CABIN1: variants seen among roughly 807,000 people sequenced by gnomAD.
CABIN1 encodes calcineurin-binding protein cabin-1.
CABIN1 carries 133 observed loss-of-function variants against 227.7 expected under a neutral mutation model. The observed-to-expected ratio is 0.58, with a 90% CI of 0.51 to 0.67. The LOEUF (loss-of-function observed/expected upper bound fraction) is 0.67. Ranked by LOEUF, CABIN1 falls within the 30% of genes least tolerant of loss-of-function variation. The pLI, the probability that CABIN1 is intolerant of heterozygous loss-of-function variation, is 0.00. For synonymous variants in CABIN1, 1,086 were observed against 1,155.1 expected (o/e 0.94, Z 1.21); for missense variants, 2,408 against 2,852.5 (o/e 0.84, Z 3.55).
chr22:24,082,655 C>T (rs534324657), intron 19 of CABIN1, among the ~76,000 whole-genome samples: 2 of 152,100 alleles, frequency 1.3e-5, no homozygotes, highest in Admixed American at 6.5e-5. Flanking sequence ...TAACAATAGC[C>T]GTCGGCTCTC....
chr22:24,131,535 C>T (rs2044072868), intron 28 of CABIN1, among the ~76,000 whole-genome samples: 1 of 152,244 alleles, frequency 6.6e-6, no homozygotes, highest in Non-Finnish European at 1.5e-5. Context: ...TGGCTCCCCA[C>T]TGGCCTTATG....
chr22:24,067,266 T>G lies in CABIN1; in HGVS notation c.2232+85T>G, dbSNP rs1023379780. On this transcript the variant is annotated intron_variant, in intron 16 of 36. Transcript: ENST00000263119. Reference sequence around the variant, plus strand: ...TTATTCTCTGGAGGTTCTGCGGTAGTTCTTAAGAATGTATAGCTAGAAGAG... The same window carrying G: ...TTATTCTCTGGAGGTTCTGCGGTAGGTCTTAAGAATGTATAGCTAGAAGAG... 5.1e-6 allele frequency: 7 copies of G among 1,369,946 alleles called. No individual in the cohort carries two copies. The African/African-American group carries it at 1.0e-4, about 20-fold the overall frequency. 84.9% of individuals were successfully genotyped at this position (1,369,946 alleles called of 1,614,324 possible). A position where few individuals can be genotyped will look rare whatever the true frequency, so the allele number is the denominator to read the frequency against.
intron 24 of CABIN1, 111 bp downstream of exon 24, chr22:24,091,954 A>C: frequency 7.4e-7 from 1 of 1,344,976 alleles, no homozygotes; most frequent in Non-Finnish European, 1.0e-6. Context: ...ACCTGCCGCA[A>C]ACTTATCTGT....
intron 1 of CABIN1, among the ~76,000 whole-genome samples, chr22:24,012,411 C>T (rs1939457356): frequency 6.6e-6 from 1 of 152,114 alleles, no homozygotes; most frequent in Non-Finnish European, 1.5e-5. Flanking sequence ...GCAGAACCCT[C>T]ATCTAGTACA....
At chr22:24,071,162 C>A in intron 17 of CABIN1, 120 bp downstream of exon 17, 2 of 1,392,556 alleles carry the variant, frequency 1.4e-6, no homozygotes, top group Non-Finnish European at 2.0e-6. Context: ...GACATGATGG[C>A]TTCTTTGGTT....
At chr22:24,136,721 TACATC>T (rs1355522461) in intron 29 of CABIN1, among the ~76,000 whole-genome samples, 2 of 146,372 alleles carry the variant, frequency 1.4e-5, no homozygotes, top group Admixed American at 6.8e-5. Flanking sequence ...CTACAAACAA[TACATC>T]ACACACACAC....
chr22:24,113,446 G>A, intron 26 of CABIN1, 120 bp from the exon 27 acceptor site: 2 of 923,360 alleles, frequency 2.2e-6, no homozygotes, highest in Non-Finnish European at 3.6e-6. Flanking sequence ...CTGTGTTCAG[G>A]CCATCTCCTG....
chr22:24,090,796 A>G (rs1257443091), intron 23 of CABIN1, among the ~76,000 whole-genome samples: 3 of 152,062 alleles, frequency 2.0e-5, no homozygotes, highest in Non-Finnish European at 4.4e-5. Flanking sequence ...CTTCCCTGCT[A>G]TCAATCCAGG....
chr22:24,141,055 C>T (rs2044728006), intron 29 of CABIN1, among the ~76,000 whole-genome samples: 1 of 152,212 alleles, frequency 6.6e-6, no homozygotes, highest in African/African-American at 2.4e-5. Flanking sequence ...ACACAAATCA[C>T]CCTTAGGTCT....
chr22:24,074,381 G>A (rs2040299450), intron 18 of CABIN1, among the ~76,000 whole-genome samples: 1 of 152,224 alleles, frequency 6.6e-6, no homozygotes, highest in African/African-American at 2.4e-5. Context: ...CTGGTGGAGT[G>A]GCAGTAGATG....
At chr22:24,156,536 A>G (rs1602396411) in intron 29 of CABIN1, 1 of 154,338 alleles carries the variant, frequency 6.5e-6, no homozygotes, top group South Asian at 2.1e-4. Flanking sequence ...TTGCGGCGGA[A>G]GGCGCCGACG....
intron 27 of CABIN1, among the ~76,000 whole-genome samples, chr22:24,114,897 G>A (rs1371893449): frequency 6.6e-6 from 1 of 152,250 alleles, no homozygotes; most frequent in Non-Finnish European, 1.5e-5. Flanking sequence ...CACTAGAGAA[G>A]AGGGCACAGA....
intron 16 of CABIN1, 63 bp from the exon 17 acceptor site, chr22:24,070,737 C>G (rs996897254): frequency 5.0e-6 from 8 of 1,612,570 alleles, no homozygotes; most frequent in Non-Finnish European, 6.8e-6. Context: ...TGTCTCTGCT[C>G]AGGCCTTGGG....
chr22:24,075,354 A>G (rs528448040), intron 18 of CABIN1, among the ~76,000 whole-genome samples: 1 of 152,232 alleles, frequency 6.6e-6, no homozygotes, highest in South Asian at 2.1e-4. Flanking sequence ...AGGGACCTTT[A>G]TAAACAAATA....
chr22:24,155,193 A>G (rs1254466372), intron 29 of CABIN1, among the ~76,000 whole-genome samples: 1 of 152,112 alleles, frequency 6.6e-6, no homozygotes, highest in African/African-American at 2.4e-5. Flanking sequence ...AATCAGGAAG[A>G]TGCTGTGTGC....
At chr22:24,107,149 ATC>A (rs1415935078) in intron 26 of CABIN1, among the ~76,000 whole-genome samples, 1 of 151,980 alleles carries the variant, frequency 6.6e-6, no homozygotes, top group African/African-American at 2.4e-5. Context: ...TGGGCATCTC[ATC>A]TCTGTGTACA....
intron 3 of CABIN1, among the ~76,000 whole-genome samples, chr22:24,037,813 A>C (rs924964763): frequency 6.6e-6 from 1 of 152,150 alleles, no homozygotes; most frequent in Non-Finnish European, 1.5e-5. Context: ...GCCAGTTGCA[A>C]GCGTTGAGTG....
chr22:24,087,587 G>A lies in CABIN1; in HGVS notation c.3399G>A (p.Leu1133=). ...TCTTGAACTGCTTCCGTCGGGCCCT[G>A]GAGATTGACAGCTCCAACTTGTCCC... ...TPVLNCFRRA[L]EIDSSNLSLW... is the part of the protein sequence containing the mutation. Residue 1133 remains leucine (L), a synonymous_variant, in exon 23 of 37, where the codon CTG becomes CTA. Transcript: ENST00000263119. The A allele has an allele frequency of 1.2e-6, 2 of 1,614,198 alleles. No individual in the cohort carries two copies. The highest frequency in any genetic ancestry group is 1.7e-6 in the Non-Finnish European group (2 of 1,180,034).
At chr22:24,171,636 T>G in intron 33 of CABIN1, 77 bp from the exon 34 acceptor site, 1 of 1,563,992 alleles carries the variant, frequency 6.4e-7, no homozygotes, top group Non-Finnish European at 8.8e-7. Context: ...GGGACAGCAC[T>G]GGTCGGCTGG....
Sources: allele counts gnomAD v4.1 joint callset (sites outside exome capture counted in the v4.1 genomes callset), GRCh38; gene constraint gnomAD v4.1.1; transcripts MANE v1.5; gene names NCBI Gene and HGNC (gene_info 2026-07-23, HGNC 2026-07-21).